The following KBTBD12 variants were observed in gnomAD, a reference collection of about 807,000 sequenced individuals.
KBTBD12 encodes kelch repeat and BTB domain containing 12, also known as kelch repeat and BTB domain-containing protein 12.
In KBTBD12, 53 loss-of-function variants were observed where a neutral mutation model predicts 58.7. The observed-to-expected ratio is 0.90, with a 90% CI of 0.72 to 1.14. KBTBD12 has a LOEUF of 1.14. KBTBD12 is among the 50% of genes most tolerant of loss of function. The pLI is 0.00. For synonymous variants in KBTBD12, 236 were observed against 259.8 expected (o/e 0.91, Z 0.88); for missense variants, 704 against 751.3 (o/e 0.94, Z 0.74).
intron 4 of KBTBD12, among the ~76,000 whole-genome samples, chr3:127,949,190 T>G (rs553319351): frequency 6.6e-6 from 1 of 152,322 alleles, no homozygotes; most frequent in East Asian, 1.9e-4. Flanking sequence ...AGAGATTGAC[T>G]CTGAGCTTAC....
chr3:127,930,688 T>G (rs2107593441), intron 4 of KBTBD12, among the ~76,000 whole-genome samples: 1 of 152,310 alleles, frequency 6.6e-6, no homozygotes, highest in Middle Eastern at 3.4e-3. Flanking sequence ...TGCCACAGAT[T>G]GTGCCAATCC....
intron 4 of KBTBD12, among the ~76,000 whole-genome samples, chr3:127,938,259 G>T (rs1939866257): frequency 6.6e-6 from 1 of 152,024 alleles, no homozygotes; most frequent in African/African-American, 2.4e-5. Context: ...AATAGTAAAA[G>T]AAATGAAATC....
At chr3:127,955,514 C>T (rs1223021153) in intron 4 of KBTBD12, among the ~76,000 whole-genome samples, 1 of 152,134 alleles carries the variant, frequency 6.6e-6, no homozygotes, top group African/African-American at 2.4e-5. Flanking sequence ...AAATTCTAAG[C>T]AATTTTTGAA....
In KBTBD12 at chr3:127,984,194, T is replaced by C; in HGVS notation, c.1788T>C (p.Tyr596=). Residue 596 remains tyrosine, a synonymous_variant, in exon 6 of 6, where the codon TAT becomes TAC. Coordinates refer to ENST00000405109, the MANE Select transcript of KBTBD12 (RefSeq NM_207335.4). The stretch of plus-strand genomic sequence containing the variant: ...TCAACGTCCTCATGCATGACAGCTA[T>C]GATGTCTGCCTAGTAGCCAGGATGA... The part of the protein sequence containing the change: ...VAINVLMHDS[Y]DVCLVARMNP... The C allele has an allele frequency of 6.2e-7, 1 of 1,613,954 alleles. No homozygotes were observed. The highest frequency in any genetic ancestry group is 1.1e-5 in the South Asian group (1 of 91,082).
chr3:127,970,359 G>C (rs1459885733), intron 5 of KBTBD12, among the ~76,000 whole-genome samples: 1 of 152,190 alleles, frequency 6.6e-6, no homozygotes, highest in African/African-American at 2.4e-5. Context: ...CTCTGGAAAA[G>C]TCTGGCAGTT....
intron 4 of KBTBD12, among the ~76,000 whole-genome samples, chr3:127,953,825 G>T (rs1384639613): frequency 1.3e-5 from 2 of 152,232 alleles, no homozygotes; most frequent in Non-Finnish European, 2.9e-5. Flanking sequence ...CATTGCTCAT[G>T]TGGTTACATG....
At chr3:127,966,717 AT>A (rs35045911) in intron 5 of KBTBD12, among the ~76,000 whole-genome samples, 38,621 of 152,052 alleles carry the variant, frequency 0.25, 6,057 homozygotes, top group Non-Finnish European at 0.35. Flanking sequence ...TAAATTAAAA[AT>A]TTTCCCCCAA....
chr3:127,935,827 A>G (rs1939818768), intron 4 of KBTBD12, among the ~76,000 whole-genome samples: 2 of 152,188 alleles, frequency 1.3e-5, no homozygotes, highest in South Asian at 4.1e-4. Flanking sequence ...TATGCTCTCT[A>G]TAAGAGACAC....
intron 4 of KBTBD12, among the ~76,000 whole-genome samples, chr3:127,960,352 A>G (rs553444578): frequency 3.3e-5 from 5 of 152,336 alleles, no homozygotes; most frequent in African/African-American, 9.6e-5. Flanking sequence ...GCACACACCA[A>G]AAAATATAAA....
chr3:127,968,753 A>C (rs1263760044), intron 5 of KBTBD12, among the ~76,000 whole-genome samples: 1 of 152,150 alleles, frequency 6.6e-6, no homozygotes, highest in African/African-American at 2.4e-5. Flanking sequence ...CATATCCTGC[A>C]TATATACCTC....
intron 5 of KBTBD12, among the ~76,000 whole-genome samples, chr3:127,968,804 G>T (rs1432851350): frequency 6.6e-6 from 1 of 151,568 alleles, no homozygotes; most frequent in East Asian, 1.9e-4. Context: ...AAAAGAAAAC[G>T]AATCAATGTA....
At chr3:127,933,626 G>A (rs1398349320) in intron 4 of KBTBD12, among the ~76,000 whole-genome samples, 1 of 152,146 alleles carries the variant, frequency 6.6e-6, no homozygotes, top group African/African-American at 2.4e-5. Context: ...CACATGTAGA[G>A]AGCAGATCCA....
chr3:127,966,338 G>T (rs1940568590), intron 5 of KBTBD12, among the ~76,000 whole-genome samples: 1 of 152,134 alleles, frequency 6.6e-6, no homozygotes, highest in Admixed American at 6.5e-5. Context: ...TCTTAAAGAT[G>T]AACAAGCAAC....
At chr3:127,954,933 C>T (rs1464784580) in intron 4 of KBTBD12, among the ~76,000 whole-genome samples, 1 of 152,210 alleles carries the variant, frequency 6.6e-6, no homozygotes, top group Non-Finnish European at 1.5e-5. Context: ...TTGGTCAGAA[C>T]GAAGAGCATG....
At chr3:127,935,239 T>C (rs896167574) in intron 4 of KBTBD12, among the ~76,000 whole-genome samples, 1 of 152,112 alleles carries the variant, frequency 6.6e-6, no homozygotes, top group Non-Finnish European at 1.5e-5. Flanking sequence ...TTGGGGACCA[T>C]CTGTAAAGCA....
chr3:127,970,355 A>T (rs1940660377), intron 5 of KBTBD12, among the ~76,000 whole-genome samples: 1 of 152,206 alleles, frequency 6.6e-6, no homozygotes, highest in Admixed American at 6.5e-5. Context: ...GCTGCTCTGG[A>T]AAAGTCTGGC....
At position 127,919,802 on chromosome 3, in the gene KBTBD12, A is replaced by G. The variant is rs573183929; in HGVS notation, c.-112-3148A>G. 7.2e-5 allele frequency among the ~76,000 whole-genome samples: 11 copies of G among 152,188 alleles called. 1 individual carries two copies. The highest frequency in any genetic ancestry group is 2.7e-4 in the African/African-American group (11 of 41,480). ...CTCTCTCTAATATATATATATATGT[A>G]TATGTAAATCTGATAATTCACACAT... On this transcript the variant is annotated intron_variant, in intron 1 of 5. Transcript: ENST00000405109.
chr3:127,934,063 G>C (rs970911142), intron 4 of KBTBD12, among the ~76,000 whole-genome samples: 1 of 152,090 alleles, frequency 6.6e-6, no homozygotes, highest in Non-Finnish European at 1.5e-5. Context: ...TAACCCATTT[G>C]GGGGTGGGGG....
intron 5 of KBTBD12, among the ~76,000 whole-genome samples, chr3:127,983,765 T>G (rs889288262): frequency 2.7e-5 from 4 of 150,864 alleles, no homozygotes; most frequent in Non-Finnish European, 4.4e-5. Context: ...AAAAAAACAG[T>G]CTGGCTTTCT....
Sources: gnomAD v4.1 joint callset for allele counts (sites outside exome capture counted in the v4.1 genomes callset) on GRCh38, gnomAD v4.1.1 for gene constraint, MANE v1.5 for transcripts, NCBI Gene and HGNC (gene_info 2026-07-23, HGNC 2026-07-21) for gene names.